Variants in CSMD1 observed in about 807,000 individuals in gnomAD.
CSMD1 encodes the protein CUB and Sushi multiple domains 1.
A neutral mutation model predicts 417.5 loss-of-function variants in CSMD1; 213 were observed. The ratio of observed to expected loss-of-function variants is 0.51; its 90% CI spans 0.46 to 0.57. The LOEUF is 0.57. CSMD1 is among the 20% of genes least tolerant of loss of function. The pLI is 0.00. For synonymous variants in CSMD1, 2,862 were observed against 1,736.8 expected (o/e 1.65, Z -16.11); for missense variants, 6,923 against 4,529.7 (o/e 1.53, Z -15.17).
intron 18 of CSMD1, among the ~76,000 whole-genome samples, chr8:3,381,878 T>C (rs547168692): frequency 3.5e-4 from 54 of 152,326 alleles, no homozygotes; most frequent in African/African-American, 1.3e-3. Flanking sequence ...TGCAATTCTG[T>C]GTGTACCTGC....
intron 49 of CSMD1, among the ~76,000 whole-genome samples, chr8:3,054,404 G>A (rs1037363694): frequency 2.6e-5 from 4 of 152,140 alleles, no homozygotes; most frequent in African/African-American, 9.7e-5. Flanking sequence ...GATTGCTTGA[G>A]TCCAGGAGTT....
At chr8:4,298,269 G>C (rs1458164720) in intron 3 of CSMD1, among the ~76,000 whole-genome samples, 1 of 152,076 alleles carries the variant, frequency 6.6e-6, no homozygotes, top group African/African-American at 2.4e-5. Flanking sequence ...TACATTAAAA[G>C]GTAAGAAGTT....
intron 8 of CSMD1, among the ~76,000 whole-genome samples, chr8:3,612,053 ATATT>A (rs1411214602): frequency 2.0e-5 from 3 of 152,140 alleles, no homozygotes; most frequent in Non-Finnish European, 2.9e-5. Flanking sequence ...ATTTTTAAAA[ATATT>A]TAATTAAAAC....
chr8:3,891,744 T>C (rs1027564399), intron 5 of CSMD1, among the ~76,000 whole-genome samples: 2 of 152,128 alleles, frequency 1.3e-5, no homozygotes, highest in South Asian at 4.1e-4. Flanking sequence ...AGTATAACAC[T>C]GACTGGAGAC....
intron 2 of CSMD1, among the ~76,000 whole-genome samples, chr8:4,444,374 A>AG (rs1798659720): frequency 6.9e-6 from 1 of 145,334 alleles, no homozygotes; most frequent in Non-Finnish European, 1.5e-5. Flanking sequence ...AAAAAAAAAA[A>AG]AAGCAGAGGT....
At chr8:4,378,941 C>T (rs559141206) in intron 3 of CSMD1, among the ~76,000 whole-genome samples, 1 of 152,138 alleles carries the variant, frequency 6.6e-6, no homozygotes, top group African/African-American at 2.4e-5. Flanking sequence ...GTGATAAATT[C>T]CTATTATTTA....
intron 2 of CSMD1, among the ~76,000 whole-genome samples, chr8:4,568,593 A>G (rs1458850050): frequency 1.3e-5 from 2 of 152,142 alleles, no homozygotes; most frequent in Non-Finnish European, 2.9e-5. Flanking sequence ...GTGTGCATGC[A>G]TCTTCATAAT....
chr8:3,265,940 GGGGTCCAGTTT>G (rs1801399784), intron 26 of CSMD1, among the ~76,000 whole-genome samples: 1 of 151,902 alleles, frequency 6.6e-6, no homozygotes, highest in African/African-American at 2.4e-5. Flanking sequence ...GCCAGGGAAA[GGGGTCCAGTTT>G]TGGATGCGTT....
intron 21 of CSMD1, among the ~76,000 whole-genome samples, chr8:3,350,212 AC>A (rs1458499818): frequency 7.6e-6 from 1 of 132,370 alleles, no homozygotes; most frequent in Non-Finnish European, 1.6e-5. Context: ...GTGTTATAAT[AC>A]CTATAATAAC....
intron 26 of CSMD1, among the ~76,000 whole-genome samples, chr8:3,243,240 T>C (rs1377152424): frequency 1.3e-5 from 2 of 152,016 alleles, no homozygotes; most frequent in Non-Finnish European, 2.9e-5. Context: ...TAGGTGGATC[T>C]TTTTCACGGA....
chr8:3,526,073 C>A (rs1244516976), intron 10 of CSMD1, among the ~76,000 whole-genome samples: 1 of 152,062 alleles, frequency 6.6e-6, no homozygotes, highest in Non-Finnish European at 1.5e-5. Flanking sequence ...CTTCAAAGAA[C>A]CATCAACATG....
At chr8:3,926,093 ACACACACACACACACACACACAC>A in intron 5 of CSMD1, among the ~76,000 whole-genome samples, 1 of 49,074 alleles carries the variant, frequency 2.0e-5, no homozygotes, top group Non-Finnish European at 3.5e-5. Context: ...ACACACACAC[ACACACACACACACACACACACAC>A]ACACACACAC....
At chr8:3,268,320 G>T (rs1290546742) in intron 26 of CSMD1, among the ~76,000 whole-genome samples, 1 of 91,168 alleles carries the variant, frequency 1.1e-5, no homozygotes, top group African/African-American at 4.2e-5. Flanking sequence ...TTTTTGAGAC[G>T]GAGTTTTGCT....
rs186837459 is a variant in CSMD1 at position 4,931,363 on chromosome 8, C to T, written c.85+62969G>A. Among the ~76,000 whole-genome samples, 259 of 152,294 alleles carry T rather than the reference C, an allele frequency of 1.7e-3. 1 individual carries two copies. Among genetic ancestry groups the T allele is most frequent in the African/African-American group, 5.9e-3 (244 of 41,566 alleles). ...CCATCCCTTTGATATTAGGCATAAT[C>T]ATGTAACTCACTTTAGCTAATACTT... On this transcript the variant is annotated intron_variant, in intron 1 of 69. Transcript: ENST00000635120.
chr8:3,865,282 C>G (rs909149071), intron 5 of CSMD1, among the ~76,000 whole-genome samples: 2 of 152,214 alleles, frequency 1.3e-5, no homozygotes, highest in African/African-American at 4.8e-5. Flanking sequence ...CCTCACATCT[C>G]AGAGAGCGGT....
chr8:3,951,013 C>G (rs376905694), intron 5 of CSMD1, among the ~76,000 whole-genome samples: 5 of 152,190 alleles, frequency 3.3e-5, no homozygotes, highest in Non-Finnish European at 5.9e-5. Context: ...AGCCCCGTTT[C>G]TGATCTACAA....
intron 2 of CSMD1, among the ~76,000 whole-genome samples, chr8:4,505,841 C>T (rs1190698512): frequency 6.6e-6 from 1 of 151,880 alleles, no homozygotes; most frequent in Admixed American, 6.6e-5. Context: ...CACTCTGTCA[C>T]CCACAATAGA....
At chr8:4,001,316 A>C (rs752483912) in intron 4 of CSMD1, among the ~76,000 whole-genome samples, 50 of 152,262 alleles carry the variant, frequency 3.3e-4, no homozygotes, top group Non-Finnish European at 5.9e-4. Flanking sequence ...GACACCAGCC[A>C]TAGCTCCAGG....
At position 4,017,554 on chromosome 8, in the gene CSMD1, C is replaced by G. The variant is rs143442659; in HGVS notation, c.610+14351G>C. On this transcript the variant is annotated intron_variant, in intron 4 of 69. Transcript: ENST00000635120. ...CTCCCGATCTCAGATGATCCACCCA[C>G]CTTGGTCTCCCAAAGTGCTGGAATT... Among the ~76,000 whole-genome samples, 189 of 152,288 alleles carry G rather than the reference C, an allele frequency of 1.2e-3. No individual in the cohort carries two copies. The East Asian group carries it at 0.024, about 19-fold the overall frequency.
Sources: allele counts gnomAD v4.1 joint callset (sites outside exome capture counted in the v4.1 genomes callset), GRCh38; gene constraint gnomAD v4.1.1; transcripts MANE v1.5; gene names NCBI Gene and HGNC (gene_info 2026-07-23, HGNC 2026-07-21).